Variants in FAM135B observed in about 807,000 individuals in gnomAD.
The protein encoded by FAM135B is protein FAM135B.
In FAM135B, 43 loss-of-function variants were observed where a neutral mutation model predicts 127.7. The ratio of observed to expected loss-of-function variants is 0.34; its 90% confidence interval spans 0.26 to 0.43. The LOEUF (loss-of-function observed/expected upper bound fraction) is 0.43. FAM135B is among the 20% of genes least tolerant of loss of function. FAM135B has a pLI of 1.00. For missense variants in FAM135B, 1,558 were observed against 1,725.6 expected, an observed-to-expected ratio of 0.90 and a Z score of 1.72; for synonymous variants, 670 against 665.1, an observed-to-expected ratio of 1.01 and a Z score of -0.11.
At position 138,130,470 on chromosome 8, in the gene FAM135B, G is replaced by A. The variant is rs1054899887; in HGVS notation, c.*2123C>T. On this transcript the variant is annotated 3_prime_UTR_variant, in exon 20 of 20. Coordinates refer to ENST00000395297, the MANE Select transcript of FAM135B (RefSeq NM_015912.4). ...TCTCACTATGTCCAGACAGCATATT[G>A]AAGTTAAAAATGGCATCTGGTTATT... The A allele has an allele frequency of 2.0e-5, 3 of 152,148 alleles. No individual in the cohort carries two copies. The highest frequency in any genetic ancestry group is 7.2e-5 in the African/African-American group (3 of 41,438). The allele number at this position is 152,148 out of a possible 1,614,324, so 9.4% of individuals were successfully genotyped here.
intron 1 of FAM135B, among the ~76,000 whole-genome samples, chr8:138,403,865 T>C (rs1008182372): frequency 1.3e-5 from 2 of 152,226 alleles, no homozygotes; most frequent in African/African-American, 4.8e-5. Flanking sequence ...TTGCCAGCAA[T>C]GTCTGAAAAC....
rs550965326 is a variant in FAM135B at position 138,432,914 on chromosome 8, G to A, written c.-20+63757C>T. Among the ~76,000 whole-genome samples the A allele has an allele frequency of 3.9e-5, 6 of 152,120 alleles. No individual in the cohort carries two copies. In the South Asian group the frequency reaches 1.2e-3, roughly 32 times the overall value. On this transcript the variant is annotated intron_variant, in intron 1 of 19. Coordinates refer to ENST00000395297, the MANE Select transcript of FAM135B (RefSeq NM_015912.4). ...CCTTAATGTTTGTAAAACAGTCCAG[G>A]TACCCAACCAAAAGGCACACAGGAA...
rs1480630795 is a variant in FAM135B at position 138,241,743 on chromosome 8, G to GT, written c.669+1198dup. ...AGTGATAGTTACTATTAATGTGACA[G>GT]TTACTTTTACGTGTCATCTTACTTG... On this transcript the variant is annotated intron_variant, in intron 7 of 19. Coordinates refer to ENST00000395297, the MANE Select transcript of FAM135B (RefSeq NM_015912.4). This position sits in a 1 kb window ranked among gnomAD's most constrained non-coding sequence, Gnocchi z 4.8. 1.3e-5 allele frequency among the ~76,000 whole-genome samples: 2 copies of GT among 152,224 alleles called. No individual in the cohort carries two copies. Among genetic ancestry groups the GT allele is most frequent in the Non-Finnish European group, 2.9e-5 (2 of 68,036 alleles).
intron 5 of FAM135B, among the ~76,000 whole-genome samples, chr8:138,255,244 C>T (rs1187285395): frequency 6.6e-6 from 1 of 152,080 alleles, no homozygotes; most frequent in Non-Finnish European, 1.5e-5. Flanking sequence ...AGCATTGGCT[C>T]ATCAGCTTCC....
chr8:138,392,367 A>C (rs546426518), intron 1 of FAM135B, among the ~76,000 whole-genome samples: 1 of 152,280 alleles, frequency 6.6e-6, no homozygotes, highest in East Asian at 1.9e-4. Context: ...TTCACACTAA[A>C]GTGTGAATGA....
chr8:138,281,712 C>T (rs186857341), intron 3 of FAM135B, among the ~76,000 whole-genome samples: 361 of 152,148 alleles, frequency 2.4e-3, no homozygotes, highest in Non-Finnish European at 3.6e-3. Flanking sequence ...CATGCCTTTC[C>T]CCACTCCAAT....
intron 3 of FAM135B, among the ~76,000 whole-genome samples, chr8:138,281,102 A>G (rs1180481001): frequency 1.3e-5 from 2 of 152,170 alleles, no homozygotes; most frequent in East Asian, 3.9e-4. Flanking sequence ...TTAGGTGGAA[A>G]AAAAACAGGC....
intron 12 of FAM135B, among the ~76,000 whole-genome samples, chr8:138,155,448 T>C (rs1306261262): frequency 2.0e-5 from 3 of 152,192 alleles, no homozygotes; most frequent in East Asian, 1.9e-4. Context: ...CATAAGAATA[T>C]TAAACTTAAA....
intron 3 of FAM135B, among the ~76,000 whole-genome samples, chr8:138,305,285 A>G (rs1260411428): frequency 1.3e-5 from 2 of 152,208 alleles, no homozygotes; most frequent in African/African-American, 2.4e-5. Flanking sequence ...ATGAGCAATG[A>G]CTAGTAGATG....
intron 1 of FAM135B, among the ~76,000 whole-genome samples, chr8:138,412,901 G>C (rs775166299): frequency 3.3e-5 from 5 of 152,078 alleles, no homozygotes; most frequent in Non-Finnish European, 5.9e-5. Flanking sequence ...TGCTCCCTGG[G>C]ATCACATCTC....
intron 7 of FAM135B, among the ~76,000 whole-genome samples, chr8:138,206,571 C>T (rs1481952033): frequency 4.6e-5 from 7 of 150,890 alleles, no homozygotes; most frequent in South Asian, 2.1e-4. Flanking sequence ...CTACACACAA[C>T]TCTATCATCC....
At chr8:138,475,151 G>A (rs1247112902) in intron 1 of FAM135B, among the ~76,000 whole-genome samples, 4 of 152,118 alleles carry the variant, frequency 2.6e-5, no homozygotes, top group African/African-American at 4.8e-5. Flanking sequence ...AAATAGCTGG[G>A]TAGTTCAAGT....
At chr8:138,306,522 G>A (rs756355380) in intron 3 of FAM135B, among the ~76,000 whole-genome samples, 17 of 149,802 alleles carry the variant, frequency 1.1e-4, no homozygotes, top group Non-Finnish European at 2.4e-4. Context: ...TTTAGACCTC[G>A]TCTCTCTAAG....
chr8:138,492,611 C>A (rs965088494), intron 1 of FAM135B, among the ~76,000 whole-genome samples: 1 of 152,258 alleles, frequency 6.6e-6, no homozygotes, highest in East Asian at 1.9e-4. Flanking sequence ...CAAGCCTCAA[C>A]GGACACCACC....
chr8:138,307,998 G>A (rs1348523518), intron 3 of FAM135B, among the ~76,000 whole-genome samples: 1 of 152,168 alleles, frequency 6.6e-6, no homozygotes, highest in Non-Finnish European at 1.5e-5. Flanking sequence ...TCCCATCACT[G>A]TACATGCAGA....
chr8:138,356,795 T>C (rs1830118949), intron 2 of FAM135B, among the ~76,000 whole-genome samples: 1 of 152,184 alleles, frequency 6.6e-6, no homozygotes. Flanking sequence ...TTACATCAGC[T>C]GAATGGAAGA....
intron 1 of FAM135B, among the ~76,000 whole-genome samples, chr8:138,368,223 C>A (rs903964474): frequency 5.3e-5 from 8 of 152,176 alleles, no homozygotes; most frequent in African/African-American, 1.9e-4. Flanking sequence ...AGGAGTTAGA[C>A]CCAGGTGTCC....
rs77607356 is a variant in FAM135B, at chr8:138,233,934, C to T, written c.669+9008G>A. On this transcript the variant is annotated intron_variant, in intron 7 of 19. Transcript: ENST00000395297. Reference sequence around the variant, plus strand: ...TGGCAAATGGGCATATGAAATGATACTCAGCATCACTAATTATTAAGGAAG... The same window carrying T: ...TGGCAAATGGGCATATGAAATGATATTCAGCATCACTAATTATTAAGGAAG... Among the ~76,000 whole-genome samples the T allele has an allele frequency of 5.7e-3, 862 of 152,256 alleles. 9 individuals carry two copies. Among genetic ancestry groups the T allele is most frequent in the African/African-American group, 0.02 (817 of 41,552 alleles).
intron 7 of FAM135B, among the ~76,000 whole-genome samples, chr8:138,228,562 G>A (rs1819657392): frequency 6.6e-6 from 1 of 152,114 alleles, no homozygotes; most frequent in African/African-American, 2.4e-5. Flanking sequence ...ACATATGTTG[G>A]TGGGGAGCGG....
Sources: allele counts gnomAD v4.1 joint callset (sites outside exome capture counted in the v4.1 genomes callset), GRCh38; gene constraint gnomAD v4.1.1; non-coding constraint Gnocchi (gnomAD v3.1); transcripts MANE v1.5; gene names NCBI Gene and HGNC (gene_info 2026-07-23, HGNC 2026-07-21).